The following SLC6A15 variants were observed in gnomAD, a reference collection of about 807,000 sequenced individuals.
The protein encoded by SLC6A15 is solute carrier family 6 member 15.
Under a neutral mutation model 68.5 loss-of-function variants are expected in SLC6A15, and 33 were observed. That is an observed-to-expected ratio of 0.48 (90% CI 0.37 to 0.64). The LOEUF (loss-of-function observed/expected upper bound fraction) is 0.64, where lower values mean the gene tolerates loss of function less well. SLC6A15 is among the 30% of genes least tolerant of loss of function. The pLI is 0.00. For missense variants in SLC6A15, 747 were observed against 874.3 expected, an observed-to-expected ratio of 0.85 and a Z score of 1.84; for synonymous variants, 347 against 301.0, an observed-to-expected ratio of 1.15 and a Z score of -1.58.
At chr12:84,878,728 T>A (rs1050250877) in intron 5 of SLC6A15, among the ~76,000 whole-genome samples, 1 of 152,184 alleles carries the variant, frequency 6.6e-6, no homozygotes, top group Non-Finnish European at 1.5e-5. Context: ...ACTCATATTA[T>A]TCGAGGCTAA....
At chr12:84,904,329 A>G (rs768630552) in intron 1 of SLC6A15, among the ~76,000 whole-genome samples, 13 of 151,980 alleles carry the variant, frequency 8.6e-5, no homozygotes, top group Non-Finnish European at 1.8e-4. Context: ...CCCTAGCTGA[A>G]CAGCCAGGTA....
intron 5 of SLC6A15, among the ~76,000 whole-genome samples, chr12:84,878,693 G>T: frequency 2.0e-5 from 3 of 150,778 alleles, no homozygotes; most frequent in Admixed American, 6.6e-5. Context: ...TTTCTAATTA[G>T]GTACTAAGAA....
At chr12:84,876,727 T>C (rs1165050323) in intron 5 of SLC6A15, 120 bp from the exon 6 acceptor site, 9 of 516,998 alleles carry the variant, frequency 1.7e-5, no homozygotes, top group Admixed American at 7.9e-5. Flanking sequence ...TTAATAAAAC[T>C]ATTAATAACT....
intron 2 of SLC6A15, among the ~76,000 whole-genome samples, chr12:84,888,826 A>T (rs916041402): frequency 6.6e-6 from 1 of 152,106 alleles, no homozygotes; most frequent in East Asian, 1.9e-4. Flanking sequence ...AGGAAATTGG[A>T]AGGACCTCGG....
chr12:84,873,649 A>T (rs555191767), intron 6 of SLC6A15, among the ~76,000 whole-genome samples: 1 of 152,284 alleles, frequency 6.6e-6, no homozygotes, highest in South Asian at 2.1e-4. Flanking sequence ...ATCCTCAATC[A>T]TTTCCCATTA....
chr12:84,885,778 T>G, intron 3 of SLC6A15, 133 bp downstream of exon 3: 3 of 1,013,916 alleles, frequency 3.0e-6, no homozygotes, highest in Non-Finnish European at 4.3e-6. Context: ...TTAATCCATA[T>G]GCCAGTAACG....
chr12:84,876,015 T>C (rs571087748), intron 6 of SLC6A15, among the ~76,000 whole-genome samples: 130 of 151,806 alleles, frequency 8.6e-4, no homozygotes, highest in African/African-American at 3.0e-3. Flanking sequence ...TTAGGGCTCT[T>C]AATCTTATTT....
intron 4 of SLC6A15, among the ~76,000 whole-genome samples, chr12:84,884,847 G>A (rs1236438871): frequency 6.6e-6 from 1 of 151,694 alleles, no homozygotes; most frequent in Non-Finnish European, 1.5e-5. Context: ...ATTATATATT[G>A]AAATAGTATT....
At chr12:84,906,665 G>A (rs1873171707) in intron 1 of SLC6A15, among the ~76,000 whole-genome samples, 1 of 152,092 alleles carries the variant, frequency 6.6e-6, no homozygotes, top group Non-Finnish European at 1.5e-5. Flanking sequence ...AAGTACCAAA[G>A]CAATTTCAAT....
chr12:84,888,087 C>CA (rs1456021728), intron 2 of SLC6A15, among the ~76,000 whole-genome samples: 9 of 145,108 alleles, frequency 6.2e-5, no homozygotes, highest in Admixed American at 2.7e-4. Context: ...AAATAAAATA[C>CA]AAAAAACAAA....
intron 1 of SLC6A15, among the ~76,000 whole-genome samples, chr12:84,911,076 T>C (rs1453102997): frequency 6.6e-6 from 1 of 152,070 alleles, no homozygotes; most frequent in Non-Finnish European, 1.5e-5. Flanking sequence ...CATAAATAGG[T>C]CTGTGTTTCA....
intron 4 of SLC6A15, among the ~76,000 whole-genome samples, chr12:84,884,806 G>A (rs1872006486): frequency 6.6e-6 from 1 of 151,784 alleles, no homozygotes; most frequent in African/African-American, 2.4e-5. Flanking sequence ...GAAAATTATT[G>A]TGAATTATTA....
chr12:84,897,956 C>T (rs185396627), intron 1 of SLC6A15, among the ~76,000 whole-genome samples: 197 of 151,072 alleles, frequency 1.3e-3, no homozygotes, highest in African/African-American at 4.7e-3. Flanking sequence ...ATTAAATTAC[C>T]AAAAAAAATC....
rs35772840 is a variant in SLC6A15 at position 84,870,539 on chromosome 12, G to C, written c.1434C>G (p.Thr478=). 1.9e-6 allele frequency: 3 copies of C among 1,598,312 alleles called. No homozygotes were observed. In the African/African-American group the frequency reaches 4.1e-5, roughly 22 times the overall value. ...VNLGLGSMFG[T]IEGIVTPIVD... is the part of the protein sequence containing the mutation. ...CAATAGGCGTGACAATCCCTTCAAT[G>C]GTTCCAAACATACTGCCAAGGCCTA... The change falls in exon 9 of 12, where the codon ACC becomes ACG. Residue 478 remains threonine, a synonymous_variant. Transcript: ENST00000266682.
At chr12:84,871,133 TTA>T (rs527535085) in intron 8 of SLC6A15, among the ~76,000 whole-genome samples, 7 of 150,448 alleles carry the variant, frequency 4.7e-5, no homozygotes, top group Admixed American at 6.6e-5. Flanking sequence ...TCAATTGTTG[TTA>T]TATATATATA....
intron 5 of SLC6A15, 39 bp from the exon 6 acceptor site, chr12:84,876,646 G>C (rs766660789): frequency 1.0e-6 from 1 of 989,304 alleles, no homozygotes; most frequent in South Asian, 1.7e-5. Flanking sequence ...GAGATACAAT[G>C]ACCATTTTTT....
chr12:84,899,515 A>G (rs1178340148), intron 1 of SLC6A15, among the ~76,000 whole-genome samples: 1 of 152,030 alleles, frequency 6.6e-6, no homozygotes, highest in Non-Finnish European at 1.5e-5. Flanking sequence ...TTTCAGAACT[A>G]TTTTCATTCT....
Position 84,863,571 on chromosome 12 carries a change from G to T in SLC6A15, c.1686C>A (p.Gly562=). 1 of 1,568,106 alleles carries T rather than the reference G, an allele frequency of 6.4e-7. No homozygotes were observed. The highest frequency in any genetic ancestry group is 8.6e-7 in the Non-Finnish European group (1 of 1,164,740). The change falls in exon 11 of 12, where the codon GGC becomes GGA. Residue 562 remains glycine (G), a synonymous_variant. Transcript: ENST00000266682. The part of the protein sequence containing the change: ...KFMEDLKDML[G]FAPSRYYYYM... ...AGTAGTAATATCTGCTGGGAGCAAA[G>T]CCCAGCATATCTTTTAGGTCTTCCA...
intron 1 of SLC6A15, among the ~76,000 whole-genome samples, chr12:84,900,140 C>A (rs1384216964): frequency 1.3e-5 from 2 of 151,948 alleles, no homozygotes; most frequent in Admixed American, 6.6e-5. Flanking sequence ...TTATTTATTT[C>A]ATGTCTTTAA....
Sources: allele counts gnomAD v4.1 joint callset (sites outside exome capture counted in the v4.1 genomes callset), GRCh38; gene constraint gnomAD v4.1.1; transcripts MANE v1.5; gene names NCBI Gene and HGNC (gene_info 2026-07-23, HGNC 2026-07-21).